The following NCK2 variants were observed in gnomAD, a reference collection of about 807,000 sequenced individuals.
NCK2 encodes the protein NCK adaptor protein 2.
In NCK2, 16 loss-of-function variants were observed where a neutral mutation model predicts 33.9. That is an observed-to-expected ratio of 0.47 (90% CI 0.32 to 0.72). The LOEUF (loss-of-function observed/expected upper bound fraction) is 0.72, where lower values mean the gene tolerates loss of function less well. Among genes scored for constraint, NCK2 ranks in the 30% least tolerant of loss-of-function variants. The probability of loss-of-function intolerance (pLI) is 0.03; values close to 1 mark genes in which losing one functional copy is unlikely to be tolerated. For missense variants in NCK2, 418 were observed against 537.3 expected, an observed-to-expected ratio of 0.78 and a Z score of 2.19; for synonymous variants, 273 against 239.9, an observed-to-expected ratio of 1.14 and a Z score of -1.27.
At chr2:105,884,662 A>G (rs1322580681) in intron 4 of NCK2, among the ~76,000 whole-genome samples, 1 of 152,168 alleles carries the variant, frequency 6.6e-6, no homozygotes, top group African/African-American at 2.4e-5. Flanking sequence ...TACACTATCC[A>G]CTATCAGTAA....
At chr2:105,821,069 C>T (rs1011498695) in intron 2 of NCK2, among the ~76,000 whole-genome samples, 4 of 152,236 alleles carry the variant, frequency 2.6e-5, no homozygotes, top group East Asian at 1.9e-4. Context: ...TCCATAAAAA[C>T]GCTATCCAGT....
At chr2:105,862,247 G>T (rs565442955) in intron 3 of NCK2, among the ~76,000 whole-genome samples, 6 of 152,206 alleles carry the variant, frequency 3.9e-5, no homozygotes, top group African/African-American at 1.4e-4. Context: ...GAAGGGGGTC[G>T]GTCTTGAGCC....
intron 1 of NCK2, among the ~76,000 whole-genome samples, chr2:105,800,728 A>G (rs1674797479): frequency 6.6e-6 from 1 of 152,200 alleles, no homozygotes; most frequent in African/African-American, 2.4e-5. Context: ...CAGTTGATCA[A>G]CTGTCATGAA....
At chr2:105,862,792 G>GT (rs1296108754) in intron 3 of NCK2, among the ~76,000 whole-genome samples, 1 of 152,182 alleles carries the variant, frequency 6.6e-6, no homozygotes, top group African/African-American at 2.4e-5. Context: ...GGAAAATAAT[G>GT]TTTTTTGCGC....
At chr2:105,753,119 A>G (rs904788269) in intron 1 of NCK2, among the ~76,000 whole-genome samples, 9 of 152,282 alleles carry the variant, frequency 5.9e-5, no homozygotes, top group African/African-American at 1.4e-4. Flanking sequence ...CTGAAAATAC[A>G]TAAAACAGAA....
chr2:105,766,910 C>T (rs1164814613), intron 1 of NCK2, among the ~76,000 whole-genome samples: 1 of 152,218 alleles, frequency 6.6e-6, no homozygotes, highest in African/African-American at 2.4e-5. Context: ...CTTCTGGCTC[C>T]GTCTTCCTGC....
At chr2:105,801,877 A>G (rs1674854863) in intron 1 of NCK2, among the ~76,000 whole-genome samples, 1 of 152,126 alleles carries the variant, frequency 6.6e-6, no homozygotes, top group Non-Finnish European at 1.5e-5. Flanking sequence ...GCTGAGAGAA[A>G]GTGATGGAGC....
rs1573558599 is a variant in NCK2, at chr2:105,759,144, A to G, written c.-201+14006A>G. On this transcript the variant is annotated intron_variant, in intron 1 of 4. Coordinates refer to ENST00000233154, the MANE Select transcript of NCK2 (RefSeq NM_003581.5). ...TTTTAAAGGTTGATCGAATACCTAGATTCCTGGTTCTTGGGCCTTCAGAAG... is the reference window on the plus strand; with the variant it reads ...TTTTAAAGGTTGATCGAATACCTAGGTTCCTGGTTCTTGGGCCTTCAGAAG... Among the ~76,000 whole-genome samples, 5 of 152,312 alleles carry G rather than the reference A, an allele frequency of 3.3e-5. No individual in the cohort carries two copies. In the South Asian group the frequency reaches 1.0e-3, roughly 32 times the overall value.
At chr2:105,818,098 A>C (rs1414267134) in intron 2 of NCK2, among the ~76,000 whole-genome samples, 1 of 152,124 alleles carries the variant, frequency 6.6e-6, no homozygotes, top group Non-Finnish European at 1.5e-5. Flanking sequence ...CTATGCAGCC[A>C]TAAAAAGTGA....
chr2:105,888,330 G>A (rs1477535193), intron 4 of NCK2, among the ~76,000 whole-genome samples: 2 of 152,214 alleles, frequency 1.3e-5, no homozygotes, highest in East Asian at 3.8e-4. Flanking sequence ...GTGGTCTGAT[G>A]TTTGAAAATT....
At chr2:105,878,774 G>A (rs186721401) in intron 3 of NCK2, among the ~76,000 whole-genome samples, 278 of 152,256 alleles carry the variant, frequency 1.8e-3, no homozygotes, top group Admixed American at 2.9e-3. Context: ...TCTGAGTTGC[G>A]CCAAAGACTA....
intron 1 of NCK2, among the ~76,000 whole-genome samples, chr2:105,815,989 A>C (rs182230586): frequency 1.1e-3 from 164 of 152,082 alleles, no homozygotes; most frequent in African/African-American, 3.8e-3. Flanking sequence ...ACCTCCTTCC[A>C]CCTGCTGTTC....
chr2:105,758,521 T>G (rs1455259688), intron 1 of NCK2, among the ~76,000 whole-genome samples: 1 of 151,282 alleles, frequency 6.6e-6, no homozygotes, highest in Non-Finnish European at 1.5e-5. Context: ...GCAGTTCTTC[T>G]GCCTCAGCCT....
At chr2:105,759,994 A>G (rs548975850) in intron 1 of NCK2, among the ~76,000 whole-genome samples, 1 of 152,176 alleles carries the variant, frequency 6.6e-6, no homozygotes, top group Non-Finnish European at 1.5e-5. Flanking sequence ...CACCTGGCCC[A>G]GGTAGTGTTT....
At chr2:105,773,155 T>A (rs940527869) in intron 1 of NCK2, among the ~76,000 whole-genome samples, 3 of 151,872 alleles carry the variant, frequency 2.0e-5, no homozygotes, top group Non-Finnish European at 4.4e-5. Context: ...TGCCTCAGCC[T>A]CCCAAAGTGT....
At chr2:105,770,250 CAG>C (rs1428514996) in intron 1 of NCK2, among the ~76,000 whole-genome samples, 1 of 151,908 alleles carries the variant, frequency 6.6e-6, no homozygotes, top group African/African-American at 2.4e-5. Flanking sequence ...ATATTCTGGA[CAG>C]AATTCTTTTC....
intron 3 of NCK2, among the ~76,000 whole-genome samples, chr2:105,869,254 G>A (rs1390211697): frequency 1.3e-5 from 2 of 152,118 alleles, no homozygotes; most frequent in East Asian, 1.9e-4. Context: ...GTGCCACACC[G>A]GATCCTGCAT....
intron 3 of NCK2, among the ~76,000 whole-genome samples, chr2:105,855,986 C>G (rs1160247944): frequency 1.3e-5 from 2 of 152,182 alleles, no homozygotes; most frequent in Non-Finnish European, 2.9e-5. Context: ...AGGCACCCAC[C>G]ACCACATCCG....
chr2:105,806,150 A>G (rs950499454), intron 1 of NCK2, among the ~76,000 whole-genome samples: 18 of 150,268 alleles, frequency 1.2e-4, no homozygotes, highest in African/African-American at 4.4e-4. Flanking sequence ...TGTATTTTGT[A>G]TTTTTAGATT....
Sources: allele counts gnomAD v4.1 joint callset (sites outside exome capture counted in the v4.1 genomes callset), GRCh38; gene constraint gnomAD v4.1.1; transcripts MANE v1.5; gene names NCBI Gene and HGNC (gene_info 2026-07-23, HGNC 2026-07-21).